The following MED27 variants were observed in gnomAD, a reference collection of about 807,000 sequenced individuals.
The protein encoded by MED27 is mediator of RNA polymerase II transcription subunit 27.
MED27 carries 30 observed loss-of-function variants against 38.2 expected under a neutral mutation model. The observed-to-expected ratio is 0.79, with a 90% CI of 0.59 to 1.07. The LOEUF (loss-of-function observed/expected upper bound fraction) is 1.07. Among genes scored for constraint, MED27 ranks in the 50% least tolerant of loss-of-function variants. The pLI, the probability that MED27 is intolerant of heterozygous loss-of-function variation, is 0.00. For missense variants in MED27, 289 were observed against 397.5 expected, an observed-to-expected ratio of 0.73 and a Z score of 2.32; for synonymous variants, 122 against 153.5, an observed-to-expected ratio of 0.79 and a Z score of 1.52.
intron 3 of MED27, among the ~76,000 whole-genome samples, chr9:131,979,338 TC>T (rs1008796273): frequency 6.6e-6 from 1 of 152,148 alleles, no homozygotes; most frequent in African/African-American, 2.4e-5. Context: ...ATCTCTGCAA[TC>T]TCGTTTTAAG....
At chr9:131,919,398 G>GGCAA (rs983813111) in intron 4 of MED27, among the ~76,000 whole-genome samples, 4 of 152,064 alleles carry the variant, frequency 2.6e-5, no homozygotes, top group African/African-American at 4.8e-5. Context: ...CCAAGTGGGT[G>GGCAA]GCAAGCAAGC....
intron 3 of MED27, among the ~76,000 whole-genome samples, chr9:131,996,643 G>T (rs1198761328): frequency 6.6e-6 from 1 of 152,220 alleles, no homozygotes; most frequent in African/African-American, 2.4e-5. Flanking sequence ...GTGTCTGGCA[G>T]TGAAGAACAC....
intron 4 of MED27, among the ~76,000 whole-genome samples, chr9:131,904,100 C>T (rs1286499472): frequency 6.6e-6 from 1 of 152,112 alleles, no homozygotes; most frequent in Admixed American, 6.5e-5. Flanking sequence ...GGGGTTTCAC[C>T]ATGTTGGTCA....
chr9:131,866,995 G>T (rs980973151), intron 6 of MED27, among the ~76,000 whole-genome samples: 2 of 152,174 alleles, frequency 1.3e-5, no homozygotes, highest in African/African-American at 4.8e-5. Flanking sequence ...GTTGAGGGAA[G>T]CCCCCCAGGC....
chr9:132,053,445 T>C (rs1833508684), intron 2 of MED27, among the ~76,000 whole-genome samples: 1 of 151,962 alleles, frequency 6.6e-6, no homozygotes, highest in African/African-American at 2.4e-5. Flanking sequence ...TGCTTACCTC[T>C]TGTAACAAAA....
intron 4 of MED27, among the ~76,000 whole-genome samples, chr9:131,907,057 A>G (rs576383414): frequency 1.3e-5 from 2 of 152,306 alleles, no homozygotes; most frequent in African/African-American, 2.4e-5. Context: ...AGGATGACCA[A>G]TGGTCACTTT....
chr9:132,014,467 A>C lies in MED27; in HGVS notation c.349T>G (p.Leu117Val). Residue 117 changes from leucine to valine, a missense_variant and splice_region_variant, in exon 3 of 8, where the codon TTG becomes GTG. Physicochemically the swap from Leu to Val is conservative, Grantham distance 32. Coordinates refer to ENST00000292035, the MANE Select transcript of MED27 (RefSeq NM_004269.4). ...GATGCTAGTCCTGCATGGTACTGCA[A>C]CTGCAGAGAAAAACAAAACAAAAGG... ...LLQAYKWSNK[L>V]QYHAGLASGL... The C allele has an allele frequency of 1.2e-6, 2 of 1,610,944 alleles. No individual in the cohort carries two copies. Among genetic ancestry groups the C allele is most frequent in the South Asian group, 2.2e-5 (2 of 90,274 alleles).
rs1377131602 is a variant in MED27, at chr9:131,913,833, C to T, written c.574-19841G>A. Among the ~76,000 whole-genome samples the T allele has an allele frequency of 6.6e-6, 1 of 152,202 alleles. No individual in the cohort carries two copies. The highest frequency in any genetic ancestry group is 1.5e-5 in the Non-Finnish European group (1 of 68,030). On this transcript the variant is annotated intron_variant, in intron 4 of 7. Transcript: ENST00000292035. This position sits in a 1 kb window ranked among gnomAD's most constrained non-coding sequence, Gnocchi z 4.5. ...GCACCGAGGGCGGTCCAATGATTCC[C>T]TGAGCCACTGGCGTGGTACCAAACG...
chr9:131,923,462 G>A (rs976005775), intron 4 of MED27, among the ~76,000 whole-genome samples: 1 of 152,152 alleles, frequency 6.6e-6, no homozygotes, highest in Non-Finnish European at 1.5e-5. Flanking sequence ...TAAGGGTTTA[G>A]GGTCAAAATG....
intron 2 of MED27, among the ~76,000 whole-genome samples, chr9:132,043,360 T>G (rs1356553840): frequency 6.8e-6 from 1 of 146,354 alleles, no homozygotes; most frequent in Non-Finnish European, 1.5e-5. Flanking sequence ...CAGGAAATAA[T>G]AAACTCAAAA....
rs909916980 is a variant in MED27, at chr9:131,862,071, C to G, written c.801+992G>C. 6.6e-6 allele frequency among the ~76,000 whole-genome samples: 1 copy of G among 152,176 alleles called. No individual in the cohort carries two copies. The highest frequency in any genetic ancestry group is 1.5e-5 in the Non-Finnish European group (1 of 68,030). On this transcript the variant is annotated intron_variant, in intron 7 of 7. Transcript: ENST00000292035. The surrounding 1 kb of genome is among the most constrained non-coding windows in gnomAD (Gnocchi z 4.6). ...CTGTTCCCTGGACACACAGAAGGAC[C>G]ACTCTGTGGGAGCTCTGAGCACCTG...
intron 2 of MED27, among the ~76,000 whole-genome samples, chr9:132,030,409 T>A (rs1832931989): frequency 6.6e-6 from 1 of 151,970 alleles, no homozygotes; most frequent in South Asian, 2.1e-4. Context: ...AGAGCACTGC[T>A]GAGAAAGAGG....
At chr9:132,011,183 T>G (rs909439363) in intron 3 of MED27, among the ~76,000 whole-genome samples, 2 of 152,332 alleles carry the variant, frequency 1.3e-5, no homozygotes, top group Admixed American at 6.5e-5. Flanking sequence ...AGAACAATAC[T>G]ATAATATACT....
Position 131,957,910 on chromosome 9 carries a change from A to G in MED27, c.480-18436T>C, listed in dbSNP as rs568208543. ...CCTGTCTCTATTTAAAAAAAAAAAA[A>G]AAGAAAGAAAAAAAAGACACATTTA... On this transcript the variant is annotated intron_variant, in intron 3 of 7. Transcript: ENST00000292035. 4.6e-5 allele frequency among the ~76,000 whole-genome samples: 7 copies of G among 151,620 alleles called. No individual in the cohort carries two copies. The East Asian group carries it at 1.4e-3, about 29-fold the overall frequency.
At chr9:132,031,516 G>C (rs1589277205) in intron 2 of MED27, among the ~76,000 whole-genome samples, 1 of 152,112 alleles carries the variant, frequency 6.6e-6, no homozygotes, top group Non-Finnish European at 1.5e-5. Flanking sequence ...AGCTAAAAGA[G>C]TTAAGAGAAG....
intron 2 of MED27, among the ~76,000 whole-genome samples, chr9:132,071,913 T>C (rs1329531078): frequency 1.3e-5 from 2 of 151,064 alleles, no homozygotes; most frequent in Non-Finnish European, 2.9e-5. Context: ...AGCATATGAG[T>C]AACACACACC....
intron 6 of MED27, among the ~76,000 whole-genome samples, chr9:131,863,367 G>C (rs966543366): frequency 2.6e-5 from 4 of 152,350 alleles, no homozygotes; most frequent in Middle Eastern, 3.4e-3. Context: ...GAGGCAGGGG[G>C]CGTGTGGAAG....
At chr9:131,891,612 C>G (rs1043366041) in intron 5 of MED27, among the ~76,000 whole-genome samples, 10 of 152,180 alleles carry the variant, frequency 6.6e-5, no homozygotes, top group Non-Finnish European at 1.3e-4. Flanking sequence ...TTTGACCATG[C>G]ATTGCTTTCT....
chr9:131,934,094 T>A (rs1830638699), intron 4 of MED27, among the ~76,000 whole-genome samples: 1 of 152,156 alleles, frequency 6.6e-6, no homozygotes. Flanking sequence ...TGAAAGTAGA[T>A]CACTGTCTCT....
Sources: gnomAD v4.1 joint callset for allele counts (sites outside exome capture counted in the v4.1 genomes callset) on GRCh38, gnomAD v4.1.1 for gene constraint, Gnocchi (gnomAD v3.1) non-coding constraint, MANE v1.5 for transcripts, NCBI Gene and HGNC (gene_info 2026-07-23, HGNC 2026-07-21) for gene names.